PIGH: variants seen among roughly 807,000 people sequenced by gnomAD.
The protein encoded by PIGH is phosphatidylinositol glycan anchor biosynthesis class H.
A neutral mutation model predicts 20.1 loss-of-function variants in PIGH; 11 were observed. The observed-to-expected ratio is 0.55, with a 90% CI of 0.34 to 0.91. PIGH has a LOEUF of 0.91. Among genes scored for constraint, PIGH ranks in the 40% least tolerant of loss-of-function variants. The pLI, the probability that PIGH is intolerant of heterozygous loss-of-function variation, is 0.02. For missense variants in PIGH, 189 were observed against 233.6 expected, an observed-to-expected ratio of 0.81 and a Z score of 1.24; for synonymous variants, 72 against 93.1, an observed-to-expected ratio of 0.77 and a Z score of 1.31.
Position 67,600,082 on chromosome 14 carries a change from A to G in PIGH, c.122T>C (p.Leu41Pro). 6.3e-7 allele frequency: 1 copy of G among 1,592,820 alleles called. No homozygotes were observed. The highest frequency in any genetic ancestry group is 1.3e-5 in the African/African-American group (1 of 74,458). The change falls in exon 1 of 4, where the codon CTC (leucine) becomes CCC (proline). Residue 41 changes from leucine to proline, a missense_variant. Transcript: ENST00000216452. Reference protein sequence around the residue: ...LSCPRLSLRSLTAVTCTVWLA... With the variant: ...LSCPRLSLRSPTAVTCTVWLA... ...CCACACCGTGCAGGTGACAGCGGTG[A>G]GCGAACGCAGCGAGAGCCGAGGGCA...
At chr14:67,599,684 C>G (rs1177755596) in intron 1 of PIGH, among the ~76,000 whole-genome samples, 1 of 152,142 alleles carries the variant, frequency 6.6e-6, no homozygotes, top group African/African-American at 2.4e-5. Flanking sequence ...TCCTTGAACT[C>G]TTGGAATTAA....
At chr14:67,590,224 G>A (rs1203184094) in intron 3 of PIGH, 52 bp from the exon 4 acceptor site, 3 of 1,422,740 alleles carry the variant, frequency 2.1e-6, no homozygotes, top group African/African-American at 1.5e-5. Flanking sequence ...ATAAGGGAGT[G>A]CAGTGGTGCT....
intron 1 of PIGH, among the ~76,000 whole-genome samples, chr14:67,596,439 C>T (rs529025558): frequency 1.3e-5 from 2 of 151,730 alleles, no homozygotes; most frequent in East Asian, 3.9e-4. Context: ...CCGCACCCGG[C>T]AAAGCTATGA....
intron 1 of PIGH, among the ~76,000 whole-genome samples, chr14:67,596,295 A>ATTTT (rs772451900): frequency 0.12 from 7,111 of 60,144 alleles, 1,295 homozygotes; most frequent in African/African-American, 0.21. Flanking sequence ...CGCCCAGCTA[A>ATTTT]TTTTTTTTTT....
intron 1 of PIGH, 75 bp from the exon 2 acceptor site, chr14:67,594,027 G>A (rs2036425767): frequency 1.1e-6 from 1 of 941,890 alleles, no homozygotes; most frequent in Admixed American, 2.1e-5. Flanking sequence ...AGGGGAACAT[G>A]CATGGAGGAA....
rs185174561 is a variant in PIGH at position 67,596,141 on chromosome 14, T to C, written c.181-2189A>G. 5.3e-5 allele frequency among the ~76,000 whole-genome samples: 8 copies of C among 152,200 alleles called. No homozygotes were observed. In the East Asian group the frequency reaches 1.4e-3, roughly 26 times the overall value. On this transcript the variant is annotated intron_variant, in intron 1 of 3. Coordinates refer to ENST00000216452, the MANE Select transcript of PIGH (RefSeq NM_004569.5). Reference sequence around the variant, plus strand: ...TTTCCCAGAAGCTTGCATTCATTCATTGATTCGAGACAGAATTTCACTCGT... The same window carrying C: ...TTTCCCAGAAGCTTGCATTCATTCACTGATTCGAGACAGAATTTCACTCGT...
chr14:67,591,909 T>C (rs1472116802), intron 3 of PIGH: 1 of 151,882 alleles, frequency 6.6e-6, no homozygotes, highest in African/African-American at 2.4e-5. Flanking sequence ...CAAGAGTGGC[T>C]AAATAAACTG....
intron 1 of PIGH, among the ~76,000 whole-genome samples, chr14:67,597,872 G>A (rs1324485862): frequency 6.6e-6 from 1 of 152,126 alleles, no homozygotes; most frequent in African/African-American, 2.4e-5. Flanking sequence ...TTAGTTGAAA[G>A]GGAAGGGGGA....
At chr14:67,596,295 ATTTT>A (rs772451900) in intron 1 of PIGH, among the ~76,000 whole-genome samples, 1,310 of 60,208 alleles carry the variant, frequency 0.022, 19 homozygotes, top group Non-Finnish European at 0.029. Flanking sequence ...CGCCCAGCTA[ATTTT>A]TTTTTTTTTT....
chr14:67,598,998 C>T (rs1225502913), intron 1 of PIGH, among the ~76,000 whole-genome samples: 1 of 152,202 alleles, frequency 6.6e-6, no homozygotes, highest in Non-Finnish European at 1.5e-5. Context: ...GCGTGAGGTA[C>T]AGTGCTTTGC....
Position 67,600,141 on chromosome 14 carries a change from G to A in PIGH, c.63C>T (p.Tyr21=). ...CGGRLALQRR[Y]YSPSCREFCL... ...AGAATTCCCGGCAGGACGGGGAGTAGTAGCGGCGCTGCAGCGCCAGGCGGC... is the reference window on the plus strand; with the variant it reads ...AGAATTCCCGGCAGGACGGGGAGTAATAGCGGCGCTGCAGCGCCAGGCGGC... The change falls in exon 1 of 4, where the codon TAC becomes TAT. Residue 21 remains tyrosine, a synonymous_variant. Transcript: ENST00000216452. 1.3e-6 allele frequency: 2 copies of A among 1,594,244 alleles called. No homozygotes were observed. The highest frequency in any genetic ancestry group is 1.7e-6 in the Non-Finnish European group (2 of 1,171,166).
Position 67,593,922 on chromosome 14 carries a change from T to C in PIGH, c.211A>G (p.Ile71Val), listed in dbSNP as rs1566778010. ...TAACCAAGCAGACCTAAGAGGGTGA[T>C]GAAGATGGCAGCAGAGAGGATCATG... ...NSMILSAAIF[I>V]TLLGLLGYLH... Residue 71 changes from isoleucine (I) to valine (V), a missense_variant, in exon 2 of 4, where the codon ATC (isoleucine) becomes GTC (valine). Physicochemically the swap from Ile to Val is conservative, Grantham distance 29. Coordinates refer to ENST00000216452, the MANE Select transcript of PIGH (RefSeq NM_004569.5). 6.2e-7 allele frequency: 1 copy of C among 1,613,042 alleles called. No individual in the cohort carries two copies. The highest frequency in any genetic ancestry group is 8.5e-7 in the Non-Finnish European group (1 of 1,179,350).
chr14:67,600,013 C>T lies in PIGH; in HGVS notation c.180+11G>A, dbSNP rs752607489. On this transcript the variant is annotated intron_variant, in intron 1 of 3. Transcript: ENST00000216452. ...TCCTTCGAGCGCGGGGAGGGGCCGA[C>T]TTGCCATTACCTCGCAGAGGGTGAA... is the stretch of plus-strand genomic sequence containing the variant. 1.9e-6 allele frequency: 3 copies of T among 1,549,714 alleles called. No homozygotes were observed. The highest frequency in any genetic ancestry group is 2.6e-6 in the Non-Finnish European group (3 of 1,146,722).
intron 1 of PIGH, among the ~76,000 whole-genome samples, chr14:67,596,484 G>A (rs918524352): frequency 6.6e-6 from 1 of 151,816 alleles, no homozygotes; most frequent in African/African-American, 2.4e-5. Flanking sequence ...AATTATTGAT[G>A]ACCTAGAATC....
chr14:67,598,026 C>T (rs1463229156), intron 1 of PIGH, among the ~76,000 whole-genome samples: 3 of 152,230 alleles, frequency 2.0e-5, no homozygotes, highest in Non-Finnish European at 2.9e-5. Flanking sequence ...AAAAGCAATC[C>T]GTGCCCTACT....
chr14:67,596,183 C>G (rs1310929551), intron 1 of PIGH, among the ~76,000 whole-genome samples: 1 of 151,636 alleles, frequency 6.6e-6, no homozygotes, highest in African/African-American at 2.4e-5. Flanking sequence ...GGCTGGAGTG[C>G]AATGGTGTGA....
At chr14:67,593,660 GT>G in intron 2 of PIGH, 82 bp downstream of exon 2, 1 of 782,254 alleles carries the variant, frequency 1.3e-6, no homozygotes, top group Non-Finnish European at 2.2e-6. Context: ...CACTTTTACG[GT>G]TTTAGTTTAA....
chr14:67,598,784 A>G (rs2036520017), intron 1 of PIGH, among the ~76,000 whole-genome samples: 1 of 148,220 alleles, frequency 6.7e-6, no homozygotes, highest in South Asian at 2.1e-4. Flanking sequence ...ATCTCGGCTC[A>G]CTGCTACCTC....
rs1352660492 is a variant in PIGH at position 67,589,664 on chromosome 14, G to GT, written c.*415dup. ...CCTGCTAACCAGTACTGAAGGGCTTGTTTTTTTCGTAACTTTACACAAGGG... is the reference window on the plus strand; with the variant it reads ...CCTGCTAACCAGTACTGAAGGGCTTGTTTTTTTTCGTAACTTTACACAAGGG... On this transcript the variant is annotated 3_prime_UTR_variant, in exon 4 of 4. Coordinates refer to ENST00000216452, the MANE Select transcript of PIGH (RefSeq NM_004569.5). 11 of 990,156 alleles carry GT rather than the reference G, an allele frequency of 1.1e-5. No homozygotes were observed. The highest frequency in any genetic ancestry group is 5.8e-5 in the Admixed American group (1 of 17,178). 61.3% of individuals were successfully genotyped at this position (990,156 alleles called of 1,614,324 possible).
Sources: gnomAD v4.1 joint callset for allele counts (sites outside exome capture counted in the v4.1 genomes callset) on GRCh38, gnomAD v4.1.1 for gene constraint, MANE v1.5 for transcripts, NCBI Gene and HGNC (gene_info 2026-07-23, HGNC 2026-07-21) for gene names.